PLCL2: variants seen among roughly 807,000 people sequenced by gnomAD.
PLCL2 encodes the protein inactive phospholipase C-like protein 2.
A neutral mutation model predicts 79.6 loss-of-function variants in PLCL2; 4 were observed. That is an observed-to-expected ratio of 0.05 (90% CI 0.02 to 0.11). The LOEUF (loss-of-function observed/expected upper bound fraction) is 0.11. Among genes scored for constraint, PLCL2 ranks in the 10% least tolerant of loss-of-function variants. The pLI is 1.00. For synonymous variants in PLCL2, 484 were observed against 457.7 expected (o/e 1.06, Z -0.73); for missense variants, 895 against 1,291.0 (o/e 0.69, Z 4.70).
chr3:16,905,462 ACTTT>A (rs879375927), intron 1 of PLCL2, among the ~76,000 whole-genome samples: 3 of 152,186 alleles, frequency 2.0e-5, no homozygotes, highest in Non-Finnish European at 4.4e-5. Context: ...TATAAAATGT[ACTTT>A]CTTTTTTATC....
intron 1 of PLCL2, among the ~76,000 whole-genome samples, chr3:16,976,640 A>C (rs895764965): frequency 4.6e-5 from 7 of 152,188 alleles, no homozygotes; most frequent in African/African-American, 1.4e-4. Flanking sequence ...TGACACGTAA[A>C]ATTAACCATC....
At position 17,089,970 on chromosome 3, in the gene PLCL2, T is replaced by C; in HGVS notation, c.*58T>C. 1 of 1,537,116 alleles carries C rather than the reference T, an allele frequency of 6.5e-7. No homozygotes were observed. Among genetic ancestry groups the C allele is most frequent in the Non-Finnish European group, 8.8e-7 (1 of 1,142,176 alleles). ...AACTCTAGGACCAATTGTAGTCAGA[T>C]GGGACATTTGCTTTGCACTCACTAA... On this transcript the variant is annotated 3_prime_UTR_variant, in exon 6 of 6. Coordinates refer to ENST00000615277, the MANE Select transcript of PLCL2 (RefSeq NM_001144382.2).
At chr3:16,890,755 T>C (rs1011172585) in intron 1 of PLCL2, among the ~76,000 whole-genome samples, 2 of 152,228 alleles carry the variant, frequency 1.3e-5, no homozygotes, top group African/African-American at 4.8e-5. Context: ...TTTTTTCTAC[T>C]GATAAGATTG....
intron 1 of PLCL2, among the ~76,000 whole-genome samples, chr3:16,973,877 A>G (rs1392961173): frequency 6.6e-6 from 1 of 152,204 alleles, no homozygotes; most frequent in Non-Finnish European, 1.5e-5. Context: ...TAGATATAAA[A>G]TTACAATGAT....
At chr3:17,041,232 T>C (rs2064718046) in intron 3 of PLCL2, among the ~76,000 whole-genome samples, 1 of 152,202 alleles carries the variant, frequency 6.6e-6, no homozygotes, top group African/African-American at 2.4e-5. Context: ...GACTCAGATC[T>C]TGAAGAATGA....
chr3:16,961,254 C>A (rs1050532299), intron 1 of PLCL2, among the ~76,000 whole-genome samples: 1 of 152,148 alleles, frequency 6.6e-6, no homozygotes, highest in African/African-American at 2.4e-5. Context: ...TATATCAAAT[C>A]CAAAGACCTT....
chr3:17,003,563 A>G (rs1191245755), intron 1 of PLCL2, among the ~76,000 whole-genome samples: 1 of 152,154 alleles, frequency 6.6e-6, no homozygotes, highest in African/African-American at 2.4e-5. Flanking sequence ...TGGTAGGGTC[A>G]GGGAGAAGTT....
In PLCL2 at chr3:16,887,056, G is replaced by A. The variant is rs1048648591; in HGVS notation, c.327+1690G>A. ...TTGTTTTAATTTTACATTACTGGGC[G>A]ATAAGCAAGAAGGATGATTTGTTAG... On this transcript the variant is annotated intron_variant, in intron 1 of 5. Coordinates refer to ENST00000615277, the MANE Select transcript of PLCL2 (RefSeq NM_001144382.2). This position sits in a 1 kb window ranked among gnomAD's most constrained non-coding sequence, Gnocchi z 4.1. Among the ~76,000 whole-genome samples, 9 of 152,140 alleles carry A rather than the reference G, an allele frequency of 5.9e-5. No homozygotes were observed. The highest frequency in any genetic ancestry group is 8.8e-5 in the Non-Finnish European group (6 of 68,032).
Position 17,011,939 on chromosome 3 carries a change from A to C in PLCL2, c.2593A>C (p.Thr865Pro). The C allele has an allele frequency of 6.2e-7, 1 of 1,614,250 alleles. No homozygotes were observed. Among genetic ancestry groups the C allele is most frequent in the Non-Finnish European group, 8.5e-7 (1 of 1,180,030 alleles). The stretch of plus-strand genomic sequence containing the variant: ...CCGCCATGTCCCCCTGCAGTCCTTA[A>C]CTGGAGAGGTCCTTGCACATGCTTC... ...GYRHVPLQSL[T>P]GEVLAHASLF... Residue 865 changes from threonine to proline, a missense_variant, in exon 2 of 6, where the codon ACT (threonine) becomes CCT (proline). This residue lies in a region of PLCL2 where 298 missense variants were observed against 459.6 expected (regional missense o/e 0.65). Transcript: ENST00000615277. This position sits in a 1 kb window ranked among gnomAD's most constrained non-coding sequence, Gnocchi z 7.9.
intron 4 of PLCL2, among the ~76,000 whole-genome samples, chr3:17,055,388 T>C (rs1194317844): frequency 1.3e-5 from 2 of 152,170 alleles, no homozygotes; most frequent in African/African-American, 2.4e-5. Context: ...TGATAAGGGA[T>C]GGCAGAGGAA....
rs752822520 is a variant in PLCL2, at chr3:17,011,017, C to A, written c.1671C>A (p.Ser557=). The change falls in exon 2 of 6, where the codon TCC becomes TCA. Residue 557 remains serine, a synonymous_variant. Coordinates refer to ENST00000615277, the MANE Select transcript of PLCL2 (RefSeq NM_001144382.2). This position sits in a 1 kb window ranked among gnomAD's most constrained non-coding sequence, Gnocchi z 7.9. The part of the protein sequence containing the change: ...SPNVEESYLP[S]PDVLKGKILI... Reference sequence around the variant, plus strand: ...ATGTTGAGGAATCTTATCTACCATCCCCAGATGTCCTGAAAGGGAAAATAC... The same window carrying A: ...ATGTTGAGGAATCTTATCTACCATCACCAGATGTCCTGAAAGGGAAAATAC... 1 of 1,613,924 alleles carries A rather than the reference C, an allele frequency of 6.2e-7. No individual in the cohort carries two copies. Among genetic ancestry groups the A allele is most frequent in the Admixed American group, 1.7e-5 (1 of 60,008 alleles).
At chr3:16,961,461 T>C (rs2063754147) in intron 1 of PLCL2, among the ~76,000 whole-genome samples, 1 of 152,080 alleles carries the variant, frequency 6.6e-6, no homozygotes, top group Non-Finnish European at 1.5e-5. Flanking sequence ...AAACTTTATC[T>C]GAATGTTTTG....
At chr3:16,902,233 C>T (rs1013168407) in intron 1 of PLCL2, among the ~76,000 whole-genome samples, 3 of 152,130 alleles carry the variant, frequency 2.0e-5, no homozygotes, top group Admixed American at 6.5e-5. Flanking sequence ...GCCATTGAAT[C>T]GGACTGGATG....
At chr3:17,088,228 G>A (rs2065240223) in intron 5 of PLCL2, among the ~76,000 whole-genome samples, 1 of 152,120 alleles carries the variant, frequency 6.6e-6, no homozygotes, top group South Asian at 2.1e-4. Flanking sequence ...TAGTCCATTT[G>A]CCAGCCAAGG....
At chr3:16,969,019 G>A (rs2063832884) in intron 1 of PLCL2, among the ~76,000 whole-genome samples, 1 of 151,834 alleles carries the variant, frequency 6.6e-6, no homozygotes, top group Non-Finnish European at 1.5e-5. Flanking sequence ...TGGTTTTTAA[G>A]TTCTGTTTAT....
intron 1 of PLCL2, among the ~76,000 whole-genome samples, chr3:16,928,709 A>C (rs1046782151): frequency 7.2e-5 from 11 of 152,240 alleles, no homozygotes; most frequent in Non-Finnish European, 1.3e-4. Context: ...TTATAAAAGC[A>C]GTATAATTGT....
At chr3:17,088,266 C>A (rs758984426) in intron 5 of PLCL2, among the ~76,000 whole-genome samples, 1 of 152,168 alleles carries the variant, frequency 6.6e-6, no homozygotes, top group African/African-American at 2.4e-5. Flanking sequence ...CTCTCTGCAG[C>A]TGGCCCCAAG....
chr3:17,069,075 A>G (rs748867963), intron 5 of PLCL2, among the ~76,000 whole-genome samples: 1 of 152,204 alleles, frequency 6.6e-6, no homozygotes, highest in Non-Finnish European at 1.5e-5. Flanking sequence ...AAAGGCCTAC[A>G]TATTATATTT....
intron 4 of PLCL2, 116 bp from the exon 5 acceptor site, chr3:17,067,840 G>A: frequency 1.7e-6 from 1 of 581,934 alleles, no homozygotes; most frequent in Non-Finnish European, 3.0e-6. Flanking sequence ...ACACATTTAT[G>A]AAATTCCACT....
Sources: allele counts gnomAD v4.1 joint callset (sites outside exome capture counted in the v4.1 genomes callset), GRCh38; gene constraint gnomAD v4.1.1; regional missense constraint gnomAD v4.1.1; non-coding constraint Gnocchi (gnomAD v3.1); transcripts MANE v1.5; gene names NCBI Gene and HGNC (gene_info 2026-07-23, HGNC 2026-07-21).